CCDC138: variants seen among roughly 807,000 people sequenced by gnomAD.
CCDC138 encodes the protein coiled-coil domain-containing protein 138.
Under a neutral mutation model 82.3 loss-of-function variants are expected in CCDC138, and 66 were observed. That is an observed-to-expected ratio of 0.80 (90% confidence interval 0.66 to 0.98). The LOEUF is 0.98. Among genes scored for constraint, CCDC138 ranks in the 50% least tolerant of loss-of-function variants. The pLI is 0.00. For synonymous variants in CCDC138, 297 were observed against 265.4 expected (o/e 1.12, Z -1.16); for missense variants, 816 against 758.9 (o/e 1.08, Z -0.88).
intron 12 of CCDC138, among the ~76,000 whole-genome samples, chr2:108,849,558 A>G (rs1453145519): frequency 6.6e-6 from 1 of 151,624 alleles, no homozygotes; most frequent in Non-Finnish European, 1.5e-5. Flanking sequence ...CCCTGCCTTC[A>G]CTCTCTAGTC....
chr2:108,872,180 C>T (rs1009804746), intron 13 of CCDC138, among the ~76,000 whole-genome samples: 4 of 152,170 alleles, frequency 2.6e-5, no homozygotes, highest in Non-Finnish European at 4.4e-5. Flanking sequence ...ATTGTTGCCT[C>T]GGAGAATTCA....
intron 10 of CCDC138, among the ~76,000 whole-genome samples, chr2:108,836,979 G>A (rs571830444): frequency 2.4e-4 from 37 of 151,382 alleles, no homozygotes; most frequent in African/African-American, 5.3e-4. Flanking sequence ...TAGGACTTTC[G>A]ACATATAAGG....
chr2:108,794,846 G>C, intron 5 of CCDC138, 125 bp downstream of exon 5: 1 of 723,840 alleles, frequency 1.4e-6, no homozygotes, highest in Non-Finnish European at 2.2e-6. Flanking sequence ...AGAGAAGGAC[G>C]GAAGGGGACA....
At chr2:108,839,408 A>G in intron 11 of CCDC138, 107 bp downstream of exon 11, 2 of 918,412 alleles carry the variant, frequency 2.2e-6, no homozygotes, top group Middle Eastern at 2.6e-4. Flanking sequence ...ATTTCAGAAT[A>G]ATCTTCCCTA....
intron 13 of CCDC138, among the ~76,000 whole-genome samples, chr2:108,865,164 A>C (rs942984334): frequency 1.3e-5 from 2 of 152,078 alleles, no homozygotes; most frequent in East Asian, 3.9e-4. Context: ...ATATATTATG[A>C]TCAGCATTAT....
intron 13 of CCDC138, among the ~76,000 whole-genome samples, chr2:108,870,051 G>A (rs1369308353): frequency 6.6e-6 from 1 of 152,118 alleles, no homozygotes; most frequent in African/African-American, 2.4e-5. Flanking sequence ...ATGAAATCAG[G>A]GAAGTGATAC....
At chr2:108,793,929 A>G (rs545816145) in intron 4 of CCDC138, among the ~76,000 whole-genome samples, 6 of 152,192 alleles carry the variant, frequency 3.9e-5, no homozygotes, top group Admixed American at 6.5e-5. Context: ...AAACTTGTAC[A>G]CCAGAAGCCA....
intron 13 of CCDC138, among the ~76,000 whole-genome samples, chr2:108,859,499 C>CT (rs1445431179): frequency 1.3e-5 from 2 of 152,036 alleles, no homozygotes; most frequent in Admixed American, 1.3e-4. Context: ...AGAGTATTTC[C>CT]TAGATTTTCT....
intron 10 of CCDC138, among the ~76,000 whole-genome samples, chr2:108,830,972 C>T (rs1421617708): frequency 6.6e-6 from 1 of 152,064 alleles, no homozygotes; most frequent in Non-Finnish European, 1.5e-5. Context: ...GCCAGGAGTT[C>T]AAGACCAGCC....
At chr2:108,873,300 G>T in intron 13 of CCDC138, 151 bp from the exon 14 acceptor site, 1 of 38,750 alleles carries the variant, frequency 2.6e-5, no homozygotes, top group African/African-American at 4.8e-5. Flanking sequence ...TTTTTCAAAT[G>T]ATGATATTTT....
At chr2:108,793,984 C>A (rs1680411669) in intron 4 of CCDC138, among the ~76,000 whole-genome samples, 1 of 152,100 alleles carries the variant, frequency 6.6e-6, no homozygotes, top group Non-Finnish European at 1.5e-5. Context: ...GCTCAAATTT[C>A]CACCTATAGG....
Position 108,839,309 on chromosome 2 carries a change from G to C in CCDC138, c.1323+8G>C, listed in dbSNP as rs764466024. ...CTAGATGCTGGAGCACAGGTAATTG[G>C]TTAATAGGAATTTATCTATAAGTAA... On this transcript the variant is annotated splice_region_variant and intron_variant, in intron 11 of 14. Transcript: ENST00000295124. 1 of 1,603,436 alleles carries C rather than the reference G, an allele frequency of 6.2e-7. No individual in the cohort carries two copies. Among genetic ancestry groups the C allele is most frequent in the South Asian group, 1.1e-5 (1 of 89,108 alleles).
chr2:108,820,743 A>T (rs1260744478), intron 10 of CCDC138, among the ~76,000 whole-genome samples: 1 of 151,076 alleles, frequency 6.6e-6, no homozygotes, highest in Non-Finnish European at 1.5e-5. Flanking sequence ...AACCAAGAGT[A>T]CTATATCCAG....
chr2:108,884,292 G>C (rs1696371824), intron 2 of CCDC138: 1 of 152,190 alleles, frequency 6.6e-6, no homozygotes, highest in Non-Finnish European at 1.5e-5. Flanking sequence ...TGGTCTCCCA[G>C]ATTGTGAATG....
rs1695988902 is a variant in CCDC138, at chr2:108,876,079, T to A, written c.1833-9T>A. ...GTGTAATTAAATAATGTATTCATTT[T>A]TTTTACAGGAGTAATAAGAAGCTCT... is the stretch of plus-strand genomic sequence containing the variant. On this transcript the variant is annotated splice_polypyrimidine_tract_variant and intron_variant, in intron 14 of 14. Coordinates refer to ENST00000295124, the MANE Select transcript of CCDC138 (RefSeq NM_144978.3). The A allele has an allele frequency of 1.3e-6, 2 of 1,551,638 alleles. No individual in the cohort carries two copies. Among genetic ancestry groups the A allele is most frequent in the Non-Finnish European group, 1.8e-6 (2 of 1,127,136 alleles).
At position 108,791,523 on chromosome 2, in the gene CCDC138, G is replaced by A. The variant is rs578146314; in HGVS notation, c.267-152G>A. On this transcript the variant is annotated intron_variant, in intron 3 of 14. Coordinates refer to ENST00000295124, the MANE Select transcript of CCDC138 (RefSeq NM_144978.3). The stretch of plus-strand genomic sequence containing the variant: ...ATGATCAGTGACTGTTAGTTTTTAC[G>A]TTTTTTCTTTTTACATGTTTACATT... 45 of 864,908 alleles carry A rather than the reference G, an allele frequency of 5.2e-5. No homozygotes were observed. The African/African-American group carries it at 5.5e-4, about 11-fold the overall frequency. 53.6% of individuals were successfully genotyped at this position (864,908 alleles called of 1,614,324 possible).
intron 11 of CCDC138, among the ~76,000 whole-genome samples, chr2:108,843,927 G>T (rs1197790731): frequency 1.9e-5 from 2 of 104,476 alleles, no homozygotes; most frequent in Admixed American, 1.5e-4. Context: ...GTCTTGCTCT[G>T]TTGCCCAGGC....
At chr2:108,807,725 C>G (rs1683108039) in intron 7 of CCDC138, among the ~76,000 whole-genome samples, 1 of 152,154 alleles carries the variant, frequency 6.6e-6, no homozygotes, top group Non-Finnish European at 1.5e-5. Flanking sequence ...TCAAGCGATT[C>G]TCCTGCCTCA....
chr2:108,805,841 T>C (rs1027812490), intron 7 of CCDC138, among the ~76,000 whole-genome samples: 6 of 152,170 alleles, frequency 3.9e-5, no homozygotes, highest in African/African-American at 1.4e-4. Flanking sequence ...GGCAGAAAGA[T>C]GTGAAAGTAA....
Sources: gnomAD v4.1 joint callset for allele counts (sites outside exome capture counted in the v4.1 genomes callset) on GRCh38, gnomAD v4.1.1 for gene constraint, MANE v1.5 for transcripts, NCBI Gene and HGNC (gene_info 2026-07-23, HGNC 2026-07-21) for gene names.